RSPO2: variants seen among roughly 807,000 people sequenced by gnomAD.
RSPO2 encodes the protein R-spondin-2.
A neutral mutation model predicts 30.9 loss-of-function variants in RSPO2; 14 were observed. That is an observed-to-expected ratio of 0.45 (90% CI 0.30 to 0.71). The LOEUF (loss-of-function observed/expected upper bound fraction) is 0.71. Ranked by LOEUF, RSPO2 falls within the 30% of genes least tolerant of loss-of-function variation. The pLI, the probability that RSPO2 is intolerant of heterozygous loss-of-function variation, is 0.08. For synonymous variants in RSPO2, 107 were observed against 96.4 expected (o/e 1.11, Z -0.64); for missense variants, 264 against 301.9 (o/e 0.87, Z 0.93).
At chr8:108,010,764 G>A (rs901201648) in intron 2 of RSPO2, among the ~76,000 whole-genome samples, 2 of 152,116 alleles carry the variant, frequency 1.3e-5, no homozygotes, top group Non-Finnish European at 2.9e-5. Flanking sequence ...AAACCTTGAT[G>A]CAAGCCTTGG....
chr8:107,933,423 G>T (rs1812610668), intron 5 of RSPO2, among the ~76,000 whole-genome samples: 1 of 151,814 alleles, frequency 6.6e-6, no homozygotes, highest in Non-Finnish European at 1.5e-5. Context: ...TAAAAATGTT[G>T]GTCTTAAATT....
intron 5 of RSPO2, among the ~76,000 whole-genome samples, chr8:107,915,939 A>C (rs961087111): frequency 6.6e-6 from 1 of 152,116 alleles, no homozygotes; most frequent in Non-Finnish European, 1.5e-5. Context: ...GTGTCTACTT[A>C]TTAGGCCCTA....
At chr8:108,007,628 CAGAACTTGATACTGT>C (rs1328464261) in intron 2 of RSPO2, among the ~76,000 whole-genome samples, 1 of 152,124 alleles carries the variant, frequency 6.6e-6, no homozygotes. Flanking sequence ...TTCAGGCAAA[CAGAACTTGATACTGT>C]AGAAACCCCA....
intron 2 of RSPO2, among the ~76,000 whole-genome samples, chr8:108,026,298 T>C (rs1224160490): frequency 6.6e-6 from 1 of 152,204 alleles, no homozygotes; most frequent in Non-Finnish European, 1.5e-5. Flanking sequence ...GTATGACCAC[T>C]AAATGCAATA....
At chr8:107,977,487 C>A (rs1307555444) in intron 3 of RSPO2, among the ~76,000 whole-genome samples, 1 of 152,048 alleles carries the variant, frequency 6.6e-6, no homozygotes, top group Non-Finnish European at 1.5e-5. Flanking sequence ...TATGTGTCAA[C>A]AATGAACAAC....
At chr8:107,960,529 AAT>A in intron 4 of RSPO2, 143 bp downstream of exon 4, 1 of 780,670 alleles carries the variant, frequency 1.3e-6, no homozygotes, top group Non-Finnish European at 2.0e-6. Context: ...TGATGCTTAA[AAT>A]CAGCAAAGAA....
chr8:108,003,645 A>G (rs1815356487), intron 2 of RSPO2, among the ~76,000 whole-genome samples: 1 of 152,160 alleles, frequency 6.6e-6, no homozygotes, highest in Admixed American at 6.5e-5. Flanking sequence ...AAGAAATTAA[A>G]AAACAGCAAA....
chr8:108,070,433 C>T (rs1420003570), intron 2 of RSPO2, among the ~76,000 whole-genome samples: 1 of 151,870 alleles, frequency 6.6e-6, no homozygotes. Context: ...GCTGGGACTA[C>T]AGGTGCCCGC....
At chr8:108,012,939 C>T (rs564451463) in intron 2 of RSPO2, among the ~76,000 whole-genome samples, 1 of 152,246 alleles carries the variant, frequency 6.6e-6, no homozygotes, top group South Asian at 2.1e-4. Context: ...CAGATCAGAG[C>T]CTAATGGGTC....
intron 2 of RSPO2, among the ~76,000 whole-genome samples, chr8:108,024,051 T>C (rs980144926): frequency 9.9e-5 from 15 of 152,134 alleles, no homozygotes; most frequent in Non-Finnish European, 1.6e-4. Context: ...CCAAATACGG[T>C]GTGTCCCTGT....
intron 2 of RSPO2, among the ~76,000 whole-genome samples, chr8:108,034,323 A>G (rs1056501358): frequency 3.7e-4 from 56 of 152,300 alleles, no homozygotes; most frequent in African/African-American, 1.3e-3. Flanking sequence ...ACACACACAC[A>G]TATTTGGAAT....
At chr8:108,051,251 T>C (rs897298209) in intron 2 of RSPO2, among the ~76,000 whole-genome samples, 6 of 152,150 alleles carry the variant, frequency 3.9e-5, no homozygotes, top group African/African-American at 1.4e-4. Context: ...TAAAATAATC[T>C]AGAATGTGTG....
chr8:108,033,049 CAAAAAAAAAA>C (rs35774922), intron 2 of RSPO2, among the ~76,000 whole-genome samples: 23 of 68,752 alleles, frequency 3.3e-4, no homozygotes, highest in East Asian at 1.7e-3. Context: ...GACTCTGTCT[CAAAAAAAAAA>C]AAAAAAAAAA....
chr8:108,045,064 A>G (rs900452424), intron 2 of RSPO2, among the ~76,000 whole-genome samples: 1 of 152,210 alleles, frequency 6.6e-6, no homozygotes, highest in African/African-American at 2.4e-5. Flanking sequence ...AATAAAAACA[A>G]AAATTGACCA....
rs749398150 is a variant in RSPO2 at position 108,082,653 on chromosome 8, G to T, written c.-15C>A. 6.8e-6 allele frequency: 11 copies of T among 1,607,606 alleles called. No individual in the cohort carries two copies. Among genetic ancestry groups the T allele is most frequent in the Admixed American group, 6.7e-5 (4 of 59,980 alleles). On this transcript the variant is annotated 5_prime_UTR_variant, in exon 2 of 6. Coordinates refer to ENST00000276659, the MANE Select transcript of RSPO2 (RefSeq NM_178565.5). ...CGAAACTGCATCTGGGCGGTCGGGCGGGGGAGAGACGCCTCTCAAAGTCTA... is the reference window on the plus strand; with the variant it reads ...CGAAACTGCATCTGGGCGGTCGGGCTGGGGAGAGACGCCTCTCAAAGTCTA...
intron 2 of RSPO2, among the ~76,000 whole-genome samples, chr8:108,048,884 G>T (rs1000317759): frequency 6.6e-6 from 1 of 152,106 alleles, no homozygotes; most frequent in Non-Finnish European, 1.5e-5. Flanking sequence ...GTTCCCATTG[G>T]TTTCAAAGAA....
intron 5 of RSPO2, among the ~76,000 whole-genome samples, chr8:107,918,565 C>A (rs1478904531): frequency 6.6e-6 from 1 of 152,084 alleles, no homozygotes; most frequent in Non-Finnish European, 1.5e-5. Flanking sequence ...GACCCACGAG[C>A]CCCAAGTGAT....
rs535366374 is a variant in RSPO2 at position 108,060,464 on chromosome 8, G to A, written c.94+22081C>T. The stretch of plus-strand genomic sequence containing the variant: ...GAAGATGAAATGAATGAAATGAAGC[G>A]AGAAGAGAAGTTTAGAGAAAAAAAG... On this transcript the variant is annotated intron_variant, in intron 2 of 5. Coordinates refer to ENST00000276659, the MANE Select transcript of RSPO2 (RefSeq NM_178565.5). 8.5e-4 allele frequency among the ~76,000 whole-genome samples: 129 copies of A among 151,706 alleles called. 4 individuals carry two copies. Among genetic ancestry groups the A allele is most frequent in the African/African-American group, 2.9e-3 (119 of 41,062 alleles).
chr8:108,055,826 C>T (rs1016464755), intron 2 of RSPO2, among the ~76,000 whole-genome samples: 1 of 152,070 alleles, frequency 6.6e-6, no homozygotes, highest in East Asian at 1.9e-4. Context: ...GCAATATGCC[C>T]AACATCTCCC....
Sources: allele counts gnomAD v4.1 joint callset (sites outside exome capture counted in the v4.1 genomes callset), GRCh38; gene constraint gnomAD v4.1.1; transcripts MANE v1.5; gene names NCBI Gene and HGNC (gene_info 2026-07-23, HGNC 2026-07-21).